The following ASTN2 variants were observed in gnomAD, a reference collection of about 807,000 sequenced individuals.
ASTN2 encodes the protein astrotactin 2.
In ASTN2, 54 loss-of-function variants were observed where a neutral mutation model predicts 139.8. That is an observed-to-expected ratio of 0.39 (90% CI 0.31 to 0.48). The LOEUF is 0.48. ASTN2 is among the 20% of genes least tolerant of loss of function. ASTN2 has a pLI of 0.95. For missense variants in ASTN2, 1,565 were observed against 1,725.1 expected, an observed-to-expected ratio of 0.91 and a Z score of 1.64; for synonymous variants, 756 against 719.5, an observed-to-expected ratio of 1.05 and a Z score of -0.81.
intron 16 of ASTN2, among the ~76,000 whole-genome samples, chr9:116,694,318 A>C (rs1196387504): frequency 2.0e-5 from 3 of 152,136 alleles, no homozygotes; most frequent in African/African-American, 7.2e-5. Flanking sequence ...AAGAACACAG[A>C]TGTCCCTGTG....
chr9:117,268,869 G>T (rs140063447), intron 2 of ASTN2, among the ~76,000 whole-genome samples: 3 of 152,190 alleles, frequency 2.0e-5, no homozygotes, highest in African/African-American at 7.2e-5. Flanking sequence ...ACAATTCCAG[G>T]GGTCTAACAA....
chr9:117,272,759 A>C (rs1044370653), intron 2 of ASTN2, among the ~76,000 whole-genome samples: 2 of 152,200 alleles, frequency 1.3e-5, no homozygotes, highest in Non-Finnish European at 2.9e-5. Context: ...CCTTTGCACC[A>C]GTTCCCAACA....
At chr9:116,744,426 A>G (rs541599365) in intron 13 of ASTN2, among the ~76,000 whole-genome samples, 2 of 152,244 alleles carry the variant, frequency 1.3e-5, no homozygotes, top group South Asian at 2.1e-4. Flanking sequence ...AGGAGCTTCA[A>G]AAAGACTGCC....
chr9:116,544,936 C>A (rs1852028355), intron 19 of ASTN2, among the ~76,000 whole-genome samples: 1 of 152,204 alleles, frequency 6.6e-6, no homozygotes, highest in South Asian at 2.1e-4. Flanking sequence ...GGAATCTGAG[C>A]CAGAAGACCC....
At chr9:116,790,757 C>T (rs1221935473) in intron 13 of ASTN2, among the ~76,000 whole-genome samples, 1 of 149,758 alleles carries the variant, frequency 6.7e-6, no homozygotes, top group Non-Finnish European at 1.5e-5. Flanking sequence ...CTCACTGCAC[C>T]TCTGCCTCCC....
chr9:116,832,913 A>G (rs1190804846), intron 11 of ASTN2, among the ~76,000 whole-genome samples: 1 of 139,700 alleles, frequency 7.2e-6, no homozygotes, highest in Non-Finnish European at 1.5e-5. Flanking sequence ...CTCTTCTTTA[A>G]TTTTCTGGAA....
intron 13 of ASTN2, among the ~76,000 whole-genome samples, chr9:116,752,825 T>C (rs1316957858): frequency 6.6e-6 from 1 of 152,164 alleles, no homozygotes; most frequent in African/African-American, 2.4e-5. Flanking sequence ...AACACCACTA[T>C]ATAACTATTG....
intron 10 of ASTN2, among the ~76,000 whole-genome samples, chr9:116,960,279 G>A (rs1217372969): frequency 6.6e-6 from 1 of 152,146 alleles, no homozygotes; most frequent in African/African-American, 2.4e-5. Flanking sequence ...TCATTCCTGA[G>A]GCCAGGCTAC....
chr9:116,526,057 A>G (rs1444724110), intron 19 of ASTN2, among the ~76,000 whole-genome samples: 1 of 152,188 alleles, frequency 6.6e-6, no homozygotes, highest in Non-Finnish European at 1.5e-5. Context: ...CTCAAGTGCC[A>G]TCTTCTCTAG....
In ASTN2 at chr9:116,994,038, G is replaced by T. The variant is rs185840301; in HGVS notation, c.1591+14054C>A. The stretch of plus-strand genomic sequence containing the variant: ...ATTGGGTGCTTGATAAATATATACT[G>T]AACGTTCAGTGAACAAATACATGAA... On this transcript the variant is annotated intron_variant, in intron 7 of 22. Transcript: ENST00000313400. Among the ~76,000 whole-genome samples, 116 of 151,632 alleles carry T rather than the reference G, an allele frequency of 7.7e-4. 1 individual carries two copies. The highest frequency in any genetic ancestry group is 2.7e-3 in the African/African-American group (111 of 41,358).
chr9:116,492,079 T>C (rs35109285), intron 19 of ASTN2, among the ~76,000 whole-genome samples: 32,465 of 149,720 alleles, frequency 0.22, 3,620 homozygotes, highest in Middle Eastern at 0.25. Context: ...GTTTTTGTTT[T>C]TCTCTCTTTT....
chr9:117,063,728 A>G (rs140162196), intron 5 of ASTN2, among the ~76,000 whole-genome samples: 2 of 152,268 alleles, frequency 1.3e-5, no homozygotes, highest in East Asian at 3.9e-4. Flanking sequence ...ACTGCCCTTG[A>G]GCATATGTTT....
At chr9:117,039,368 G>A (rs906751579) in intron 6 of ASTN2, among the ~76,000 whole-genome samples, 6 of 152,032 alleles carry the variant, frequency 3.9e-5, no homozygotes, top group African/African-American at 1.4e-4. Flanking sequence ...TCATAAGTGG[G>A]AGCTGAACAA....
In ASTN2 at chr9:117,184,353, G is replaced by A. The variant is rs376268579; in HGVS notation, c.1015+30005C>T. 1.1e-4 allele frequency among the ~76,000 whole-genome samples: 16 copies of A among 152,330 alleles called. No individual in the cohort carries two copies. In the East Asian group the frequency reaches 2.7e-3, roughly 26 times the overall value. On this transcript the variant is annotated intron_variant, in intron 3 of 22. Transcript: ENST00000313400. ...CCATGGGGCGAGGCTGCTTCCTGGG[G>A]TGATGAACAGCGCCAATCAGGCAGC...
chr9:117,238,895 T>C (rs1833125801), intron 2 of ASTN2, among the ~76,000 whole-genome samples: 1 of 152,168 alleles, frequency 6.6e-6, no homozygotes, highest in Non-Finnish European at 1.5e-5. Context: ...CAAGCAAAAA[T>C]GGGTGGAGGG....
intron 20 of ASTN2, 34 bp downstream of exon 20, chr9:116,487,325 G>T (rs373090315): frequency 6.2e-7 from 1 of 1,608,298 alleles, no homozygotes; most frequent in Non-Finnish European, 8.5e-7. Context: ...CATCCTGTCT[G>T]CCTCATGATC....
intron 13 of ASTN2, among the ~76,000 whole-genome samples, chr9:116,791,150 C>A (rs779119428): frequency 7.2e-5 from 11 of 152,178 alleles, no homozygotes; most frequent in Admixed American, 2.6e-4. Flanking sequence ...CCACCGCACC[C>A]AGCCCTATCT....
chr9:116,807,683 G>T (rs1831063188), intron 12 of ASTN2, among the ~76,000 whole-genome samples: 1 of 152,070 alleles, frequency 6.6e-6, no homozygotes, highest in Non-Finnish European at 1.5e-5. Flanking sequence ...CATTTATTGA[G>T]AAAATATGGA....
At chr9:116,864,303 C>A (rs1167865042) in intron 10 of ASTN2, among the ~76,000 whole-genome samples, 2 of 152,142 alleles carry the variant, frequency 1.3e-5, no homozygotes, top group Non-Finnish European at 1.5e-5. Flanking sequence ...AGCCAAGACA[C>A]AAACGCAGGA....
Sources: gnomAD v4.1 joint callset for allele counts (sites outside exome capture counted in the v4.1 genomes callset) on GRCh38, gnomAD v4.1.1 for gene constraint, MANE v1.5 for transcripts, NCBI Gene and HGNC (gene_info 2026-07-23, HGNC 2026-07-21) for gene names.